The following CD58 variants were observed in gnomAD, a reference collection of about 807,000 sequenced individuals.
CD58 encodes the protein lymphocyte function-associated antigen 3.
In CD58, 14 loss-of-function variants were observed where a neutral mutation model predicts 27.6. The ratio of observed to expected loss-of-function variants is 0.51; its 90% CI spans 0.34 to 0.79. The LOEUF (loss-of-function observed/expected upper bound fraction) is 0.79. Ranked by LOEUF, CD58 falls within the 30% of genes least tolerant of loss-of-function variation. CD58 has a pLI of 0.02. For synonymous variants in CD58, 117 were observed against 103.8 expected (o/e 1.13, Z -0.77); for missense variants, 268 against 301.7 (o/e 0.89, Z 0.83).
In CD58 at chr1:116,527,978, G is replaced by A. The variant is rs1657480555; in HGVS notation, c.629-5995C>T. ...GGGTCTCCCTATGTTGCCCAGGCTG[G>A]TCTCGAACTCTCAGCCTCAAGCAAT... On this transcript the variant is annotated intron_variant, in intron 3 of 5. Coordinates refer to ENST00000369489, the MANE Select transcript of CD58 (RefSeq NM_001779.3). The surrounding 1 kb of genome is among the most constrained non-coding windows in gnomAD (Gnocchi z 4.4). Among the ~76,000 whole-genome samples the A allele has an allele frequency of 6.6e-6, 1 of 152,188 alleles. No homozygotes were observed. The highest frequency in any genetic ancestry group is 1.5e-5 in the Non-Finnish European group (1 of 68,026).
At position 116,528,306 on chromosome 1, in the gene CD58, G is replaced by A. The variant is rs79449273; in HGVS notation, c.629-6323C>T. ...CCTTCTTCTCCTTTTTCCTATTTCC[G>A]CATATTTTTGTGTTTCTATGATGAA... On this transcript the variant is annotated intron_variant, in intron 3 of 5. Coordinates refer to ENST00000369489, the MANE Select transcript of CD58 (RefSeq NM_001779.3). The surrounding 1 kb of genome is among the most constrained non-coding windows in gnomAD (Gnocchi z 4.4). Among the ~76,000 whole-genome samples, 6,682 of 151,498 alleles carry A rather than the reference G, an allele frequency of 0.044. 193 individuals carry two copies. The highest frequency in any genetic ancestry group is 0.068 in the Non-Finnish European group (4,587 of 67,904).
At chr1:116,555,431 T>TG (rs1658530616) in intron 1 of CD58, among the ~76,000 whole-genome samples, 1 of 152,156 alleles carries the variant, frequency 6.6e-6, no homozygotes, top group South Asian at 2.1e-4. Context: ...GAACTGGGCA[T>TG]GGGGTGAGTT....
chr1:116,547,564 C>T (rs572757339), intron 1 of CD58, among the ~76,000 whole-genome samples: 4 of 152,128 alleles, frequency 2.6e-5, no homozygotes, highest in South Asian at 4.2e-4. Flanking sequence ...CTCCTGACCT[C>T]GTGATCTGCC....
chr1:116,558,960 A>G (rs185079724), intron 1 of CD58, among the ~76,000 whole-genome samples: 6 of 152,370 alleles, frequency 3.9e-5, no homozygotes, highest in African/African-American at 1.4e-4. Flanking sequence ...CAGGCAGGAT[A>G]TAGCAATGAA....
intron 3 of CD58, among the ~76,000 whole-genome samples, chr1:116,530,453 C>A (rs1265378410): frequency 6.6e-6 from 1 of 152,280 alleles, no homozygotes; most frequent in East Asian, 1.9e-4. Context: ...GATCCACCCG[C>A]CTCAGCCTCC....
In CD58 at chr1:116,519,059, T is replaced by G; in HGVS notation, c.743+172A>C. On this transcript the variant is annotated intron_variant, in intron 5 of 5. Coordinates refer to ENST00000369489, the MANE Select transcript of CD58 (RefSeq NM_001779.3). The surrounding 1 kb of genome is among the most constrained non-coding windows in gnomAD (Gnocchi z 4.7). ...TGCAGAGAGTGGCTAGTGCAGTGCA[T>G]GGCACACAGTTGGTACTTAATACAC... 6 of 1,380,096 alleles carry G rather than the reference T, an allele frequency of 4.3e-6. No individual in the cohort carries two copies. The highest frequency in any genetic ancestry group is 5.8e-6 in the Non-Finnish European group (6 of 1,039,838). The allele number at this position is 1,380,096 out of a possible 1,614,324, so 85.5% of individuals were successfully genotyped here. A position where few individuals can be genotyped will look rare whatever the true frequency, so the allele number is the denominator to read the frequency against.
chr1:116,518,489 A>G (rs1056670933), intron 5 of CD58, among the ~76,000 whole-genome samples: 1 of 152,034 alleles, frequency 6.6e-6, no homozygotes, highest in African/African-American at 2.4e-5. Context: ...AGCCTCTCTC[A>G]AAGTCTCAGC....
At chr1:116,543,905 A>T (rs915006774) in intron 2 of CD58, among the ~76,000 whole-genome samples, 1 of 152,224 alleles carries the variant, frequency 6.6e-6, no homozygotes, top group African/African-American at 2.4e-5. Context: ...CCTTGGTAAC[A>T]GAGTGAGACT....
chr1:116,555,034 T>C (rs1658518646), intron 1 of CD58, among the ~76,000 whole-genome samples: 1 of 151,926 alleles, frequency 6.6e-6, no homozygotes, highest in Admixed American at 6.6e-5. Context: ...GATGAACGAA[T>C]GAATGAATGA....
rs1657477068 is a variant in CD58 at position 116,527,860 on chromosome 1, T to C, written c.629-5877A>G. Among the ~76,000 whole-genome samples the C allele has an allele frequency of 6.6e-6, 1 of 152,222 alleles. No homozygotes were observed. ...ATCTGATTTATTTAAACTGCCAGGCTGAAGTGATCCTCCCACCTCAGTCTC... is the reference window on the plus strand; with the variant it reads ...ATCTGATTTATTTAAACTGCCAGGCCGAAGTGATCCTCCCACCTCAGTCTC... On this transcript the variant is annotated intron_variant, in intron 3 of 5. Transcript: ENST00000369489. This position sits in a 1 kb window ranked among gnomAD's most constrained non-coding sequence, Gnocchi z 4.4.
At chr1:116,529,232 C>T (rs1012608333) in intron 3 of CD58, among the ~76,000 whole-genome samples, 5 of 152,220 alleles carry the variant, frequency 3.3e-5, no homozygotes, top group African/African-American at 4.8e-5. Flanking sequence ...TCTATATTCA[C>T]GTGCTGCCAT....
At chr1:116,547,066 G>GTTTTTTTT (rs61478445) in intron 1 of CD58, among the ~76,000 whole-genome samples, 1 of 137,224 alleles carries the variant, frequency 7.3e-6, no homozygotes, top group Non-Finnish European at 1.6e-5. Context: ...ACATGGATAA[G>GTTTTTTTT]TTTTTTTTTT....
intron 1 of CD58, among the ~76,000 whole-genome samples, chr1:116,553,795 G>C (rs961913432): frequency 1.3e-5 from 2 of 152,140 alleles, no homozygotes; most frequent in African/African-American, 4.8e-5. Context: ...CCTTGGGAGA[G>C]CGTATGAAGT....
rs185118068 is a variant in CD58 at position 116,563,360 on chromosome 1, G to A, written c.70+7543C>T. On this transcript the variant is annotated intron_variant, in intron 1 of 5. Transcript: ENST00000369489. This position sits in a 1 kb window ranked among gnomAD's most constrained non-coding sequence, Gnocchi z 4.1. ...TTCCAGGTACACGGTGCAAGCTCTCGGTGGATCTACCATTCCGGGGTCTGG... is the reference window on the plus strand; with the variant it reads ...TTCCAGGTACACGGTGCAAGCTCTCAGTGGATCTACCATTCCGGGGTCTGG... 1.4e-3 allele frequency among the ~76,000 whole-genome samples: 208 copies of A among 152,092 alleles called. 1 individual carries two copies. The highest frequency in any genetic ancestry group is 4.8e-3 in the African/African-American group (198 of 41,484).
chr1:116,565,097 G>A (rs1571093665), intron 1 of CD58, among the ~76,000 whole-genome samples: 1 of 152,184 alleles, frequency 6.6e-6, no homozygotes, highest in East Asian at 1.9e-4. Context: ...CAACCTCCCT[G>A]CTCTTCCTTT....
intron 1 of CD58, among the ~76,000 whole-genome samples, chr1:116,569,239 G>A (rs112595970): frequency 1.0e-3 from 152 of 152,230 alleles, no homozygotes; most frequent in African/African-American, 3.4e-3. Flanking sequence ...CCAGCCACCC[G>A]CACATGAACT....
At chr1:116,551,530 A>C (rs1010500633) in intron 1 of CD58, among the ~76,000 whole-genome samples, 2 of 152,206 alleles carry the variant, frequency 1.3e-5, no homozygotes, top group African/African-American at 4.8e-5. Context: ...GATTAAGGGA[A>C]TGTTGTAGCT....
rs568530698 is a variant in CD58 at position 116,559,633 on chromosome 1, G to A, written c.70+11270C>T. On this transcript the variant is annotated intron_variant, in intron 1 of 5. Coordinates refer to ENST00000369489, the MANE Select transcript of CD58 (RefSeq NM_001779.3). This position sits in a 1 kb window ranked among gnomAD's most constrained non-coding sequence, Gnocchi z 4.4. ...AAACTGCAGCCACCTGTCTCCCAACGGTTACAAACCCTCGGTCCCCAAGGC... is the reference window on the plus strand; with the variant it reads ...AAACTGCAGCCACCTGTCTCCCAACAGTTACAAACCCTCGGTCCCCAAGGC... 5.3e-5 allele frequency among the ~76,000 whole-genome samples: 8 copies of A among 152,206 alleles called. No individual in the cohort carries two copies. Among genetic ancestry groups the A allele is most frequent in the East Asian group, 1.9e-4 (1 of 5,184 alleles).
At chr1:116,555,486 T>G (rs1201865646) in intron 1 of CD58, among the ~76,000 whole-genome samples, 2 of 152,204 alleles carry the variant, frequency 1.3e-5, no homozygotes, top group Non-Finnish European at 2.9e-5. Context: ...GGAAAAAATT[T>G]TATCAGTGAT....
Sources: gnomAD v4.1 joint callset for allele counts (sites outside exome capture counted in the v4.1 genomes callset) on GRCh38, gnomAD v4.1.1 for gene constraint, Gnocchi (gnomAD v3.1) non-coding constraint, MANE v1.5 for transcripts, NCBI Gene and HGNC (gene_info 2026-07-23, HGNC 2026-07-21) for gene names.